The following ENTHD1 variants were observed in gnomAD, a reference collection of about 807,000 sequenced individuals.
ENTHD1 encodes ENTH domain containing 1.
Under a neutral mutation model 39.1 loss-of-function variants are expected in ENTHD1, and 23 were observed. The ratio of observed to expected loss-of-function variants is 0.59; its 90% CI spans 0.42 to 0.83. The LOEUF (loss-of-function observed/expected upper bound fraction) is 0.83, where lower values mean the gene tolerates loss of function less well. ENTHD1 is among the 40% of genes least tolerant of loss of function. ENTHD1 has a pLI of 0.00. For synonymous variants in ENTHD1, 230 were observed against 258.2 expected (o/e 0.89, Z 1.05); for missense variants, 624 against 705.4 (o/e 0.88, Z 1.31).
At chr22:39,861,549 T>C (rs958638348) in intron 3 of ENTHD1, among the ~76,000 whole-genome samples, 2 of 151,762 alleles carry the variant, frequency 1.3e-5, no homozygotes, top group Non-Finnish European at 2.9e-5. Flanking sequence ...CAAAAATAAA[T>C]AAATAAATAA....
At position 39,765,593 on chromosome 22, in the gene ENTHD1, G is replaced by C; in HGVS notation, c.849C>G (p.Leu283=). 1 of 1,611,972 alleles carries C rather than the reference G, an allele frequency of 6.2e-7. No individual in the cohort carries two copies. The highest frequency in any genetic ancestry group is 8.5e-7 in the Non-Finnish European group (1 of 1,179,056). ...TCTGCCCAGAAGGACTATTTTCTGA[G>C]AGAGTAGGCACAGCATCTATAAAAG... ...NLSGADAVPT[L]SENSPSGQRD... is the part of the protein sequence containing the mutation. Residue 283 remains leucine (L), a synonymous_variant, in exon 6 of 7, where the codon CTC becomes CTG. Transcript: ENST00000325157.
chr22:39,839,831 T>G (rs10483200), intron 3 of ENTHD1, among the ~76,000 whole-genome samples: 14,464 of 152,202 alleles, frequency 0.095, 775 homozygotes, highest in African/African-American at 0.13. Flanking sequence ...GAAGTAAATT[T>G]TGAGAGAAAC....
chr22:39,821,040 A>AT lies in ENTHD1; in HGVS notation c.784dup (p.Ile262AsnfsTer12), dbSNP rs1281140725. 6.2e-7 allele frequency: 1 copy of AT among 1,613,980 alleles called. No individual in the cohort carries two copies. Among genetic ancestry groups the AT allele is most frequent in the Non-Finnish European group, 8.5e-7 (1 of 1,179,976 alleles). ...TTCTTCTGCTTCTGACAAGCAAGTG[A>AT]TTGGAGAGACAATGGAAGGAGGTGT... On this transcript the variant is annotated frameshift_variant, in exon 5 of 7. Coordinates refer to ENST00000325157, the MANE Select transcript of ENTHD1 (RefSeq NM_152512.4). LOFTEE classifies it high-confidence loss of function.
chr22:39,881,574 T>C (rs2066338555), intron 2 of ENTHD1, among the ~76,000 whole-genome samples: 1 of 152,220 alleles, frequency 6.6e-6, no homozygotes, highest in Non-Finnish European at 1.5e-5. Context: ...CTGAGGATAC[T>C]GGAGATGGGG....
chr22:39,830,970 G>T (rs1234397256), intron 4 of ENTHD1, among the ~76,000 whole-genome samples: 1 of 152,228 alleles, frequency 6.6e-6, no homozygotes, highest in African/African-American at 2.4e-5. Flanking sequence ...TCATGGAACA[G>T]AAACAAATAA....
chr22:39,842,943 TA>T (rs1195924648), intron 3 of ENTHD1, among the ~76,000 whole-genome samples: 9 of 147,926 alleles, frequency 6.1e-5, no homozygotes, highest in Non-Finnish European at 1.2e-4. Flanking sequence ...TGGCAATCAT[TA>T]AAAAGTCAGG....
At chr22:39,766,434 A>G (rs1272712836) in intron 5 of ENTHD1, among the ~76,000 whole-genome samples, 1 of 152,168 alleles carries the variant, frequency 6.6e-6, no homozygotes, top group African/African-American at 2.4e-5. Flanking sequence ...GAGTTTCTAG[A>G]TGCAAATTCT....
intron 2 of ENTHD1, among the ~76,000 whole-genome samples, chr22:39,887,037 T>C (rs182861198): frequency 1.5e-3 from 227 of 152,174 alleles, no homozygotes; most frequent in Non-Finnish European, 2.7e-3. Flanking sequence ...TTGAAAAAAG[T>C]ATTGTTCTCT....
intron 4 of ENTHD1, among the ~76,000 whole-genome samples, chr22:39,834,020 G>T (rs1329306299): frequency 1.4e-5 from 2 of 146,884 alleles, no homozygotes. Flanking sequence ...ATTCAAAATA[G>T]ATCACAGACC....
intron 5 of ENTHD1, among the ~76,000 whole-genome samples, chr22:39,810,348 G>A (rs778955615): frequency 1.4e-4 from 21 of 152,108 alleles, no homozygotes; most frequent in Non-Finnish European, 2.2e-4. Context: ...CTTGGCCTAG[G>A]AGCTACCTCA....
At chr22:39,781,299 T>C (rs2065408379) in intron 5 of ENTHD1, among the ~76,000 whole-genome samples, 1 of 152,142 alleles carries the variant, frequency 6.6e-6, no homozygotes, top group African/African-American at 2.4e-5. Flanking sequence ...GTAGAACTAA[T>C]ATAAAGTATC....
intron 3 of ENTHD1, among the ~76,000 whole-genome samples, chr22:39,847,354 A>T (rs898109122): frequency 3.7e-5 from 4 of 108,746 alleles, no homozygotes; most frequent in African/African-American, 1.4e-4. Context: ...GGAACATCAC[A>T]CTCTGGGGAC....
At chr22:39,846,507 G>A (rs138338510) in intron 3 of ENTHD1, among the ~76,000 whole-genome samples, 26 of 152,176 alleles carry the variant, frequency 1.7e-4, no homozygotes, top group East Asian at 1.5e-3. Context: ...CCCATTTGTC[G>A]ATTTTGACTT....
chr22:39,805,085 C>T (rs187661580), intron 5 of ENTHD1, among the ~76,000 whole-genome samples: 31 of 152,308 alleles, frequency 2.0e-4, no homozygotes, highest in African/African-American at 7.0e-4. Flanking sequence ...TCCATCTATC[C>T]AACAAGTATT....
chr22:39,855,589 TA>T (rs111260316), intron 3 of ENTHD1, among the ~76,000 whole-genome samples: 10,146 of 136,156 alleles, frequency 0.075, 404 homozygotes, highest in South Asian at 0.13. Context: ...TGTGACTTGT[TA>T]AAAAAAAAAA....
intron 5 of ENTHD1, among the ~76,000 whole-genome samples, chr22:39,784,527 T>TCC (rs1349621473): frequency 7.2e-6 from 1 of 138,232 alleles, no homozygotes; most frequent in Non-Finnish European, 1.5e-5. Context: ...GAAAATGCGC[T>TCC]CTCTCTCTCT....
chr22:39,758,816 G>A (rs1407818270), intron 6 of ENTHD1, among the ~76,000 whole-genome samples: 6 of 152,140 alleles, frequency 3.9e-5, no homozygotes, highest in African/African-American at 1.4e-4. Context: ...TTTAAAGATT[G>A]TAAATGAGTG....
In ENTHD1 at chr22:39,844,700, T is replaced by C. The variant is rs192229730; in HGVS notation, c.593-8742A>G. On this transcript the variant is annotated intron_variant, in intron 3 of 6. Coordinates refer to ENST00000325157, the MANE Select transcript of ENTHD1 (RefSeq NM_152512.4). ...GACATCCCTTCTCCCCCAAAAGCAATACTGGTAAGATGACAAAAATCTTAG... is the reference window on the plus strand; with the variant it reads ...GACATCCCTTCTCCCCCAAAAGCAACACTGGTAAGATGACAAAAATCTTAG... 5.5e-3 allele frequency among the ~76,000 whole-genome samples: 832 copies of C among 152,150 alleles called. 8 individuals carry two copies. Among genetic ancestry groups the C allele is most frequent in the Middle Eastern group, 0.02 (6 of 294 alleles).
At chr22:39,875,793 A>G in intron 2 of ENTHD1, 1 of 1,613,542 alleles carries the variant, frequency 6.2e-7, no homozygotes, top group Non-Finnish European at 8.5e-7. Flanking sequence ...ATGGCTTTCA[A>G]ATGGAGAGGC....
Sources: gnomAD v4.1 joint callset for allele counts (sites outside exome capture counted in the v4.1 genomes callset) on GRCh38, gnomAD v4.1.1 for gene constraint, MANE v1.5 for transcripts, NCBI Gene and HGNC (gene_info 2026-07-23, HGNC 2026-07-21) for gene names.